Variants in RNF13 observed in about 807,000 individuals in gnomAD.
RNF13 encodes the protein E3 ubiquitin-protein ligase RNF13.
In RNF13, 19 loss-of-function variants were observed where a neutral mutation model predicts 37.7. That is an observed-to-expected ratio of 0.50 (90% CI 0.35 to 0.74). RNF13 has a LOEUF of 0.74. Ranked by LOEUF, RNF13 falls within the 30% of genes least tolerant of loss-of-function variation. RNF13 has a pLI of 0.01. For missense variants in RNF13, 375 were observed against 453.0 expected (o/e 0.83, Z 1.56); for synonymous variants, 144 against 157.8 (o/e 0.91, Z 0.65).
intron 5 of RNF13, among the ~76,000 whole-genome samples, chr3:149,900,637 T>C (rs56291777): frequency 0.026 from 4,029 of 152,180 alleles, 68 homozygotes; most frequent in South Asian, 0.035. Flanking sequence ...TTTATTGACA[T>C]AACAGGATAT....
intron 5 of RNF13, among the ~76,000 whole-genome samples, chr3:149,901,333 T>G (rs1397607646): frequency 6.6e-6 from 1 of 152,220 alleles, no homozygotes; most frequent in Non-Finnish European, 1.5e-5. Flanking sequence ...AACTCACAGC[T>G]AATAATGAGG....
chr3:149,935,859 G>T (rs1719618788), intron 8 of RNF13, among the ~76,000 whole-genome samples: 1 of 152,126 alleles, frequency 6.6e-6, no homozygotes, highest in African/African-American at 2.4e-5. Flanking sequence ...TATAACTTCA[G>T]ATATTTTCTT....
At chr3:149,829,689 A>G (rs963834903) in intron 1 of RNF13, among the ~76,000 whole-genome samples, 7 of 152,166 alleles carry the variant, frequency 4.6e-5, no homozygotes, top group Non-Finnish European at 7.4e-5. Flanking sequence ...TTGGTTTCTG[A>G]TGTAACACTT....
At chr3:149,956,099 A>C (rs57957217) in intron 8 of RNF13, among the ~76,000 whole-genome samples, 4,532 of 152,232 alleles carry the variant, frequency 0.03, 230 homozygotes, top group African/African-American at 0.1. Context: ...TAGAGGGATC[A>C]AATCATATAT....
chr3:149,919,286 A>G (rs184201196), intron 7 of RNF13, among the ~76,000 whole-genome samples: 71 of 152,306 alleles, frequency 4.7e-4, no homozygotes, highest in African/African-American at 1.7e-3. Flanking sequence ...ACAGATATGT[A>G]TGTGTATACC....
chr3:149,884,575 A>C (rs963276760), intron 4 of RNF13, among the ~76,000 whole-genome samples: 67 of 152,092 alleles, frequency 4.4e-4, no homozygotes, highest in African/African-American at 1.3e-3. Flanking sequence ...CAAAGACCTA[A>C]AGGGAACCCA....
intron 7 of RNF13, among the ~76,000 whole-genome samples, chr3:149,919,356 G>A (rs1332365568): frequency 6.6e-6 from 1 of 152,080 alleles, no homozygotes; most frequent in Non-Finnish European, 1.5e-5. Flanking sequence ...AAAAAGTTTG[G>A]CAATGCCTTC....
chr3:149,874,700 G>A (rs543791682), intron 4 of RNF13, among the ~76,000 whole-genome samples: 139 of 152,222 alleles, frequency 9.1e-4, no homozygotes, highest in Non-Finnish European at 9.6e-4. Flanking sequence ...GGCTTATAAA[G>A]ACAGTTTAGT....
chr3:149,856,823 T>C (rs1723699565), intron 3 of RNF13, among the ~76,000 whole-genome samples: 1 of 152,294 alleles, frequency 6.6e-6, no homozygotes, highest in South Asian at 2.1e-4. Flanking sequence ...CCCGGCTCAC[T>C]GCAAGCTCCG....
intron 3 of RNF13, among the ~76,000 whole-genome samples, chr3:149,865,329 GATATATATATAT>G (rs3028509): frequency 7.2e-6 from 1 of 139,126 alleles, no homozygotes; most frequent in African/African-American, 2.6e-5. Flanking sequence ...ATGTTTTGGT[GATATATATATAT>G]ATATATATAT....
intron 3 of RNF13, among the ~76,000 whole-genome samples, chr3:149,870,351 GT>G (rs934625004): frequency 4.0e-5 from 6 of 151,274 alleles, no homozygotes; most frequent in African/African-American, 9.7e-5. Context: ...TCTGCTGGGA[GT>G]TTTTTTTACT....
chr3:149,938,984 A>G (rs1244938088), intron 8 of RNF13: 3 of 462,874 alleles, frequency 6.5e-6, no homozygotes, highest in African/African-American at 2.0e-5. Flanking sequence ...TGTTTAAACT[A>G]TTTTCCTAAA....
intron 3 of RNF13, among the ~76,000 whole-genome samples, chr3:149,855,233 C>T (rs774577608): frequency 7.9e-5 from 12 of 152,214 alleles, no homozygotes; most frequent in Admixed American, 3.9e-4. Context: ...GTGGGAGAAT[C>T]GCTTGAACCC....
chr3:149,914,051 T>C (rs1717254353), intron 7 of RNF13, among the ~76,000 whole-genome samples: 1 of 152,230 alleles, frequency 6.6e-6, no homozygotes, highest in Non-Finnish European at 1.5e-5. Flanking sequence ...TATACACTCA[T>C]GTATATTTAT....
At chr3:149,912,788 G>T (rs113106600) in intron 7 of RNF13, among the ~76,000 whole-genome samples, 1 of 152,152 alleles carries the variant, frequency 6.6e-6, no homozygotes, top group East Asian at 1.9e-4. Context: ...TCAAAATACG[G>T]TTACAAGACT....
intron 1 of RNF13, among the ~76,000 whole-genome samples, chr3:149,839,307 C>A (rs543434538): frequency 5.5e-4 from 24 of 43,390 alleles, no homozygotes; most frequent in Non-Finnish European, 8.8e-4. Flanking sequence ...TTATCCAGTT[C>A]CAAAGTCACT....
chr3:149,880,455 A>G (rs967270321), intron 4 of RNF13, among the ~76,000 whole-genome samples: 3 of 152,164 alleles, frequency 2.0e-5, no homozygotes, highest in African/African-American at 7.2e-5. Flanking sequence ...ATATTTAGGC[A>G]GCTTTTAACT....
chr3:149,896,521 C>G (rs1327587635), intron 5 of RNF13, among the ~76,000 whole-genome samples: 2 of 151,392 alleles, frequency 1.3e-5, no homozygotes, highest in Non-Finnish European at 2.9e-5. Flanking sequence ...CTCTTGTTGC[C>G]CAGGCTGGAG....
intron 4 of RNF13, among the ~76,000 whole-genome samples, chr3:149,888,994 A>G (rs1394431095): frequency 6.6e-6 from 1 of 152,200 alleles, no homozygotes; most frequent in Non-Finnish European, 1.5e-5. Flanking sequence ...GCCGAAGTCC[A>G]GTGGCGCGAT....
Sources: gnomAD v4.1 joint callset for allele counts (sites outside exome capture counted in the v4.1 genomes callset) on GRCh38, gnomAD v4.1.1 for gene constraint, MANE v1.5 for transcripts, NCBI Gene and HGNC (gene_info 2026-07-23, HGNC 2026-07-21) for gene names.